The following NR4A3 variants were observed in gnomAD, a reference collection of about 807,000 sequenced individuals.
NR4A3 encodes the protein chondrosarcoma, extraskeletal myxoid, fused to EWS.
In NR4A3, 13 loss-of-function variants were observed where a neutral mutation model predicts 55.6. That is an observed-to-expected ratio of 0.23 (90% confidence interval 0.15 to 0.37). The LOEUF (loss-of-function observed/expected upper bound fraction) is 0.37, where lower values mean the gene tolerates loss of function less well. NR4A3 is among the 10% of genes least tolerant of loss of function. The probability of loss-of-function intolerance (pLI) is 1.00; values close to 1 mark genes in which losing one functional copy is unlikely to be tolerated. For synonymous variants in NR4A3, 342 were observed against 357.9 expected, an observed-to-expected ratio of 0.96 and a Z score of 0.50; for missense variants, 646 against 822.8, an observed-to-expected ratio of 0.79 and a Z score of 2.63.
At position 99,828,354 on chromosome 9, in the gene NR4A3, C is replaced by G. The variant is rs1486404426; in HGVS notation, c.312C>G (p.His104Gln). ...YHHHHHHHHH[H>Q]HHHHQQQHQQ... ...ACCATCACCACCACCACCACCACCA[C>G]CACCACCATCACCAGCAGCAGCATC... The change falls in exon 3 of 8, where the codon CAC (histidine) becomes CAG (glutamine). Residue 104 changes from histidine to glutamine, a missense_variant. His to Gln is a conservative substitution (Grantham distance 24). Transcript: ENST00000395097. This position sits in a 1 kb window ranked among gnomAD's most constrained non-coding sequence, Gnocchi z 7.7. The G allele has an allele frequency of 1.9e-6, 3 of 1,603,346 alleles. No individual in the cohort carries two copies. The highest frequency in any genetic ancestry group is 3.4e-5 in the Admixed American group (2 of 59,588).
At chr9:99,847,345 C>T in intron 6 of NR4A3, 92 bp from the exon 7 acceptor site, 1 of 1,230,548 alleles carries the variant, frequency 8.1e-7, no homozygotes, top group Admixed American at 1.8e-5. Flanking sequence ...AATGCTGCCC[C>T]ATGGCTGTCT....
rs570012112 is a variant in NR4A3, at chr9:99,837,838, A to G, written c.1254+4384A>G. 2.0e-5 allele frequency among the ~76,000 whole-genome samples: 3 copies of G among 152,300 alleles called. No individual in the cohort carries two copies. In the South Asian group the frequency reaches 6.2e-4, roughly 32 times the overall value. Reference sequence around the variant, plus strand: ...ATGTGTTGCCAGCCCAGTATGTTTTAATCTTCATGTACTAGCATGTGTTCC... The same window carrying G: ...ATGTGTTGCCAGCCCAGTATGTTTTGATCTTCATGTACTAGCATGTGTTCC... On this transcript the variant is annotated intron_variant, in intron 5 of 7. Transcript: ENST00000395097.
intron 5 of NR4A3, chr9:99,834,804 G>A (rs953731914): frequency 4.1e-6 from 4 of 985,188 alleles, no homozygotes; most frequent in South Asian, 4.7e-5. Context: ...ATAACAAAAC[G>A]TCATATGAGA....
intron 3 of NR4A3, among the ~76,000 whole-genome samples, chr9:99,831,459 T>C (rs890285140): frequency 1.3e-5 from 2 of 152,208 alleles, no homozygotes; most frequent in Admixed American, 1.3e-4. Context: ...TTAAGTTTTA[T>C]ATAAGCAATC....
intron 5 of NR4A3, chr9:99,834,807 A>G (rs1177651348): frequency 1.0e-6 from 1 of 985,318 alleles, no homozygotes. Context: ...ACAAAACGTC[A>G]TATGAGAAGC....
rs1416924763 is a variant in NR4A3, at chr9:99,865,427, T to C, written c.*1560T>C. On this transcript the variant is annotated 3_prime_UTR_variant, in exon 8 of 8. Coordinates refer to ENST00000395097, the MANE Select transcript of NR4A3 (RefSeq NM_006981.4). The surrounding 1 kb of genome is among the most constrained non-coding windows in gnomAD (Gnocchi z 4.3). ...TTTTATGGTTCATTTGCAGTGACTT[T>C]TAAGGCAGTACTGTTTAGCACTTTG... is the stretch of plus-strand genomic sequence containing the variant. 5.5e-6 allele frequency: 1 copy of C among 181,478 alleles called. No individual in the cohort carries two copies. Among genetic ancestry groups the C allele is most frequent in the Non-Finnish European group, 1.2e-5 (1 of 84,824 alleles). The allele number at this position is 181,478 out of a possible 1,614,324, so 11.2% of individuals were successfully genotyped here. A position where few individuals can be genotyped will look rare whatever the true frequency, so the allele number is the denominator to read the frequency against.
intron 3 of NR4A3, among the ~76,000 whole-genome samples, chr9:99,831,219 C>T (rs983688751): frequency 6.6e-6 from 1 of 152,154 alleles, no homozygotes; most frequent in African/African-American, 2.4e-5. Context: ...CTCAAATTGG[C>T]ATAAAGCCTT....
In NR4A3 at chr9:99,828,629, C is replaced by G; in HGVS notation, c.587C>G (p.Ser196Trp). The G allele has an allele frequency of 1.4e-6, 2 of 1,478,962 alleles. No individual in the cohort carries two copies. The highest frequency in any genetic ancestry group is 1.8e-6 in the Non-Finnish European group (2 of 1,124,618). The allele number at this position is 1,478,962 out of a possible 1,614,324, so 91.6% of individuals were successfully genotyped here. A position where few individuals can be genotyped will look rare whatever the true frequency, so the allele number is the denominator to read the frequency against. ...ARFPLFHFKP[S>W]PPHPPAPSPA... is the part of the protein sequence containing the mutation. ...TTCCCGCTCTTCCACTTCAAGCCCT[C>G]GCCGCCGCATCCCCCCGCGCCCAGC... The change falls in exon 3 of 8, where the codon TCG (serine) becomes TGG (tryptophan). Residue 196 changes from serine (S) to tryptophan (W), a missense_variant. By Grantham distance (177) the Ser-to-Trp change is radical (BLOSUM62 -3). Coordinates refer to ENST00000395097, the MANE Select transcript of NR4A3 (RefSeq NM_006981.4). The surrounding 1 kb of genome is among the most constrained non-coding windows in gnomAD (Gnocchi z 7.7).
intron 2 of NR4A3, among the ~76,000 whole-genome samples, chr9:99,826,452 C>T (rs114442919): frequency 6.6e-6 from 1 of 152,268 alleles, no homozygotes; most frequent in African/African-American, 2.4e-5. Context: ...TAGCTAGAAA[C>T]CTCAGAAAGA....
chr9:99,838,512 C>T (rs1827598629), intron 5 of NR4A3, among the ~76,000 whole-genome samples: 1 of 152,230 alleles, frequency 6.6e-6, no homozygotes. Flanking sequence ...TGATTTCACG[C>T]CAGTTCCTGC....
rs1364347263 is a variant in NR4A3 at position 99,822,762 on chromosome 9, G to GGCGGCA, written c.-177+369_-177+374dup. Among the ~76,000 whole-genome samples, 15 of 152,206 alleles carry GGCGGCA rather than the reference G, an allele frequency of 9.9e-5. No homozygotes were observed. The highest frequency in any genetic ancestry group is 2.4e-4 in the African/African-American group (10 of 41,490). ...TGATGCTCTCGGCGGCGGCGGCGGC[G>GGCGGCA]GCGGCAGCGGCAGCGGCAGGGAGTT... On this transcript the variant is annotated intron_variant, in intron 1 of 7. Coordinates refer to ENST00000395097, the MANE Select transcript of NR4A3 (RefSeq NM_006981.4). The surrounding 1 kb of genome is among the most constrained non-coding windows in gnomAD (Gnocchi z 4.9).
chr9:99,829,625 T>G (rs1360134058), intron 3 of NR4A3, among the ~76,000 whole-genome samples: 1 of 152,180 alleles, frequency 6.6e-6, no homozygotes, highest in Non-Finnish European at 1.5e-5. Flanking sequence ...GTCCATTCCC[T>G]TTTCACAGCT....
At chr9:99,832,444 G>T (rs1827462306) in intron 3 of NR4A3, among the ~76,000 whole-genome samples, 1 of 152,194 alleles carries the variant, frequency 6.6e-6, no homozygotes, top group Non-Finnish European at 1.5e-5. Flanking sequence ...TTTCAGATAT[G>T]ATTTTATCAT....
intron 5 of NR4A3, among the ~76,000 whole-genome samples, chr9:99,840,704 G>A (rs1827635992): frequency 6.6e-6 from 1 of 152,282 alleles, no homozygotes; most frequent in Admixed American, 6.5e-5. Context: ...CAGCAAGTCA[G>A]TGCAGAGCCT....
intron 7 of NR4A3, among the ~76,000 whole-genome samples, chr9:99,860,761 C>T (rs1827996710): frequency 6.6e-6 from 1 of 152,170 alleles, no homozygotes; most frequent in South Asian, 2.1e-4. Flanking sequence ...GAAATTAGGC[C>T]ACGAATTGCT....
intron 2 of NR4A3, 68 bp from the exon 3 acceptor site, chr9:99,827,973 A>G (rs978807645): frequency 4.5e-5 from 70 of 1,544,812 alleles, no homozygotes; most frequent in Middle Eastern, 3.5e-4. Flanking sequence ...AGTGAACCCA[A>G]TGCTGCCTGT....
At chr9:99,827,934 C>T (rs1231745371) in intron 2 of NR4A3, 107 bp from the exon 3 acceptor site, 1 of 1,342,574 alleles carries the variant, frequency 7.4e-7, no homozygotes, top group Non-Finnish European at 1.0e-6. Context: ...GAGGATGACA[C>T]TTCCTCTCTG....
At chr9:99,838,621 A>G (rs1158265933) in intron 5 of NR4A3, among the ~76,000 whole-genome samples, 1 of 152,222 alleles carries the variant, frequency 6.6e-6, no homozygotes, top group Non-Finnish European at 1.5e-5. Flanking sequence ...TATTCTGACC[A>G]TAATATTAAT....
In NR4A3 at chr9:99,864,751, A is replaced by G. The variant is rs1023523604; in HGVS notation, c.*884A>G. On this transcript the variant is annotated 3_prime_UTR_variant, in exon 8 of 8. Transcript: ENST00000395097. Reference sequence around the variant, plus strand: ...CATGTAACTGTTTTGGTTGTGTTCTATCAACCCCACCAGAGTTCCCTAAAC... The same window carrying G: ...CATGTAACTGTTTTGGTTGTGTTCTGTCAACCCCACCAGAGTTCCCTAAAC... 18 of 223,498 alleles carry G rather than the reference A, an allele frequency of 8.1e-5. No homozygotes were observed. The highest frequency in any genetic ancestry group is 1.6e-4 in the African/African-American group (7 of 44,760). The allele number at this position is 223,498 out of a possible 1,614,324, so 13.8% of individuals were successfully genotyped here. A position where few individuals can be genotyped will look rare whatever the true frequency, so the allele number is the denominator to read the frequency against.
Sources: allele counts gnomAD v4.1 joint callset (sites outside exome capture counted in the v4.1 genomes callset), GRCh38; gene constraint gnomAD v4.1.1; non-coding constraint Gnocchi (gnomAD v3.1); transcripts MANE v1.5; gene names NCBI Gene and HGNC (gene_info 2026-07-23, HGNC 2026-07-21).